The following AFDN variants were observed in gnomAD, a reference collection of about 807,000 sequenced individuals.
AFDN encodes afadin, adherens junction formation factor.
AFDN carries 68 observed loss-of-function variants against 216.6 expected under a neutral mutation model. That is an observed-to-expected ratio of 0.31 (90% CI 0.26 to 0.38). The LOEUF is 0.38. Ranked by LOEUF, AFDN falls within the 10% of genes least tolerant of loss-of-function variation. The pLI is 1.00. For missense variants in AFDN, 2,136 were observed against 2,342.0 expected (o/e 0.91, Z 1.82); for synonymous variants, 868 against 853.7 (o/e 1.02, Z -0.29).
intron 26 of AFDN, among the ~76,000 whole-genome samples, chr6:167,945,057 A>C (rs1363562250): frequency 1.3e-5 from 2 of 148,436 alleles, no homozygotes; most frequent in African/African-American, 5.3e-5. Flanking sequence ...ATTAAAAAAA[A>C]CCTTTTGACT....
At chr6:167,871,411 CATGT>C (rs1784784457) in intron 3 of AFDN, among the ~76,000 whole-genome samples, 1 of 152,186 alleles carries the variant, frequency 6.6e-6, no homozygotes, top group South Asian at 2.1e-4. Context: ...CCCTCATTGA[CATGT>C]ATTGGAACTC....
chr6:167,909,886 T>C (rs1426069947), intron 13 of AFDN, among the ~76,000 whole-genome samples: 1 of 152,212 alleles, frequency 6.6e-6, no homozygotes. Flanking sequence ...TTCTTCCTGG[T>C]TATCTCTGTT....
At chr6:167,866,396 G>A (rs978293918) in intron 2 of AFDN, among the ~76,000 whole-genome samples, 6 of 152,092 alleles carry the variant, frequency 3.9e-5, no homozygotes, top group Non-Finnish European at 8.8e-5. Context: ...AGTCTTTTCT[G>A]GGTTACAGAA....
chr6:167,903,574 A>G (rs1280276716), intron 12 of AFDN, among the ~76,000 whole-genome samples: 1 of 152,186 alleles, frequency 6.6e-6, no homozygotes, highest in East Asian at 1.9e-4. Context: ...TCAAGGTGTG[A>G]TTTATTGAAT....
chr6:167,963,897 C>T (rs1406453787), intron 31 of AFDN: 3 of 1,064,426 alleles, frequency 2.8e-6, no homozygotes, highest in Non-Finnish European at 3.4e-6. Context: ...CGCTCCCTGG[C>T]TGCTTGGAGG....
At chr6:167,954,107 G>A (rs984787759) in intron 30 of AFDN, among the ~76,000 whole-genome samples, 13 of 152,126 alleles carry the variant, frequency 8.5e-5, no homozygotes, top group East Asian at 1.9e-4. Context: ...TATGAATTGC[G>A]ATATTTGGAA....
At chr6:167,923,620 C>CTTTTTTTTTT (rs35743665) in intron 22 of AFDN, among the ~76,000 whole-genome samples, 1 of 111,968 alleles carries the variant, frequency 8.9e-6, no homozygotes, top group African/African-American at 3.3e-5. Flanking sequence ...TACCCTAATA[C>CTTTTTTTTTT]TTTTTTTTTT....
At chr6:167,924,489 G>A (rs1308314528) in intron 22 of AFDN, among the ~76,000 whole-genome samples, 2 of 152,214 alleles carry the variant, frequency 1.3e-5, no homozygotes, top group African/African-American at 4.8e-5. Flanking sequence ...GAGTCCTGCA[G>A]CGGCCCTGGT....
intron 23 of AFDN, among the ~76,000 whole-genome samples, chr6:167,932,240 T>A (rs1793400246): frequency 6.6e-6 from 1 of 152,164 alleles, no homozygotes. Context: ...GTGTATGGGG[T>A]AGCTGCTGTA....
chr6:167,897,330 C>T (rs1270180214), intron 10 of AFDN, among the ~76,000 whole-genome samples: 6 of 152,102 alleles, frequency 3.9e-5, no homozygotes, highest in South Asian at 2.1e-4. Context: ...ATTAGGCATT[C>T]GGTAAATTCT....
chr6:167,967,748 T>C (rs1797702677), intron 32 of AFDN, among the ~76,000 whole-genome samples: 1 of 152,080 alleles, frequency 6.6e-6, no homozygotes, highest in Non-Finnish European at 1.5e-5. Flanking sequence ...TTTGAAGACT[T>C]CTTCGTAATG....
intron 5 of AFDN, among the ~76,000 whole-genome samples, chr6:167,878,892 G>A (rs1229936098): frequency 6.6e-6 from 1 of 152,162 alleles, no homozygotes; most frequent in African/African-American, 2.4e-5. Flanking sequence ...TGGTTGTTCA[G>A]GTCTGAGTTC....
At position 167,827,415 on chromosome 6, in the gene AFDN, C is replaced by T. The variant is rs1018684797; in HGVS notation, c.105+178C>T. ...CCGCGGGCCCCGGCGTCCCCCGCAG[C>T]CCCCGTCCCCCTGCCGCGGTGTATC... is the stretch of plus-strand genomic sequence containing the variant. On this transcript the variant is annotated intron_variant, in intron 1 of 33. Coordinates refer to ENST00000683244, the MANE Select transcript of AFDN (RefSeq NM_001386888.1). Among the ~76,000 whole-genome samples the T allele has an allele frequency of 2.5e-3, 356 of 144,580 alleles. 2 individuals are homozygous for T. The highest frequency in any genetic ancestry group is 4.3e-3 in the Non-Finnish European group (283 of 65,100). The allele number at this position is 144,580 out of a possible 152,430, so 94.9% of individuals were successfully genotyped here.
At chr6:167,905,326 G>T (rs991909817) in intron 12 of AFDN, among the ~76,000 whole-genome samples, 4 of 152,176 alleles carry the variant, frequency 2.6e-5, no homozygotes, top group African/African-American at 9.7e-5. Flanking sequence ...AAAAATGCCT[G>T]CTGTGTAGAA....
chr6:167,867,269 A>G (rs780362579), intron 2 of AFDN, among the ~76,000 whole-genome samples: 15 of 152,174 alleles, frequency 9.9e-5, no homozygotes, highest in Non-Finnish European at 2.1e-4. Context: ...ATTTTGGTTT[A>G]TGGAAGGAAT....
rs547508041 is a variant in AFDN, at chr6:167,971,419, G to C, written c.*1484G>C. On this transcript the variant is annotated 3_prime_UTR_variant, in exon 34 of 34. Transcript: ENST00000683244. ...TTGTATGATAAATCATTAAAAATGC[G>C]AGTGTAAATATTTTTTTTTACCTCT... is the stretch of plus-strand genomic sequence containing the variant. The C allele has an allele frequency of 1.0e-5, 2 of 200,438 alleles. No individual in the cohort carries two copies. Among genetic ancestry groups the C allele is most frequent in the Non-Finnish European group, 2.0e-5 (2 of 97,900 alleles). 12.4% of individuals were successfully genotyped at this position (200,438 alleles called of 1,614,324 possible). A position where few individuals can be genotyped will look rare whatever the true frequency, so the allele number is the denominator to read the frequency against.
intron 2 of AFDN, 69 bp from the exon 3 acceptor site, chr6:167,870,317 T>C (rs1025225227): frequency 1.3e-5 from 11 of 879,952 alleles, no homozygotes; most frequent in African/African-American, 1.7e-5. Context: ...TATATCAGAA[T>C]GCTTGTATTA....
intron 2 of AFDN, among the ~76,000 whole-genome samples, chr6:167,867,533 G>A (rs991705942): frequency 4.0e-5 from 6 of 151,218 alleles, no homozygotes; most frequent in Middle Eastern, 3.4e-3. Flanking sequence ...GGGTTCACGC[G>A]ATTCTCCTGC....
At chr6:167,945,822 A>G (rs1795195282) in intron 26 of AFDN, among the ~76,000 whole-genome samples, 1 of 152,218 alleles carries the variant, frequency 6.6e-6, no homozygotes, top group Admixed American at 6.5e-5. Context: ...ATCAATACAA[A>G]TTTAGGGCTT....
Sources: allele counts gnomAD v4.1 joint callset (sites outside exome capture counted in the v4.1 genomes callset), GRCh38; gene constraint gnomAD v4.1.1; transcripts MANE v1.5; gene names NCBI Gene and HGNC (gene_info 2026-07-23, HGNC 2026-07-21).